Variants in TRIP12 observed in about 807,000 individuals in gnomAD.
TRIP12 encodes the protein E3 ubiquitin-protein ligase TRIP12.
A neutral mutation model predicts 244.2 loss-of-function variants in TRIP12; 25 were observed. The observed-to-expected ratio is 0.10, with a 90% confidence interval of 0.07 to 0.14. The LOEUF (loss-of-function observed/expected upper bound fraction) is 0.14. TRIP12 is among the 10% of genes least tolerant of loss of function. The pLI, the probability that TRIP12 is intolerant of heterozygous loss-of-function variation, is 1.00. For missense variants in TRIP12, 1,677 were observed against 2,486.4 expected, an observed-to-expected ratio of 0.67 and a Z score of 6.92; for synonymous variants, 905 against 873.1, an observed-to-expected ratio of 1.04 and a Z score of -0.64.
intron 7 of TRIP12, 132 bp downstream of exon 7, chr2:229,830,624 T>C (rs543773586): frequency 8.7e-6 from 6 of 691,326 alleles, no homozygotes; most frequent in Non-Finnish European, 1.3e-5. Context: ...TACTAAAAAT[T>C]TTTTTTTCTT....
rs114524062 is a variant in TRIP12, at chr2:229,792,922, T to C, written c.4141+51A>G. 1.2e-3 allele frequency: 1,913 copies of C among 1,545,798 alleles called. 18 individuals are homozygous for C. The African/African-American group carries it at 0.022, about 17-fold the overall frequency. On this transcript the variant is annotated intron_variant, in intron 27 of 41. Transcript: ENST00000675903. ...TAATGTATGTAACTCTTAATGTAAA[T>C]TTCTCCCAAATATACATATATAACA...
At chr2:229,866,768 C>G (rs1336510757) in intron 2 of TRIP12, among the ~76,000 whole-genome samples, 2 of 152,146 alleles carry the variant, frequency 1.3e-5, no homozygotes, top group Non-Finnish European at 2.9e-5. Flanking sequence ...CAGGTACTCT[C>G]CATAGATGTT....
At chr2:229,886,945 A>C (rs2066153364) in intron 1 of TRIP12, among the ~76,000 whole-genome samples, 1 of 152,228 alleles carries the variant, frequency 6.6e-6, no homozygotes, top group South Asian at 2.1e-4. Context: ...CTGGTAGTGC[A>C]AATAACCTTC....
At chr2:229,834,652 T>C (rs1261438448) in intron 6 of TRIP12, among the ~76,000 whole-genome samples, 2 of 151,890 alleles carry the variant, frequency 1.3e-5, no homozygotes, top group Non-Finnish European at 2.9e-5. Context: ...CCCAACTACT[T>C]AGGAGGCTGA....
rs1045308730 is a variant in TRIP12, at chr2:229,922,002, G to A, written c.-172C>T. The A allele has an allele frequency of 6.7e-6, 1 of 149,678 alleles. No homozygotes were observed. The highest frequency in any genetic ancestry group is 2.1e-4 in the South Asian group (1 of 4,836). 9.3% of individuals were successfully genotyped at this position (149,678 alleles called of 1,614,324 possible). A position where few individuals can be genotyped will look rare whatever the true frequency, so the allele number is the denominator to read the frequency against. ...CCGGGTTCCTTCAATTATCAGCTGA[G>A]CCGCAGCACCGCGCCCGGCGTGCGC... On this transcript the variant is annotated 5_prime_UTR_variant, in exon 1 of 42. Coordinates refer to ENST00000675903, the MANE Select transcript of TRIP12 (RefSeq NM_001348323.3).
chr2:229,815,165 G>A lies in TRIP12; in HGVS notation c.1665C>T (p.Tyr555=). The change falls in exon 11 of 42, where the codon TAC becomes TAT. Residue 555 remains tyrosine (Y), a synonymous_variant. Coordinates refer to ENST00000675903, the MANE Select transcript of TRIP12 (RefSeq NM_001348323.3). ...IMNHACRALT[Y]MMEALPRSSA... is the part of the protein sequence containing the mutation. Reference sequence around the variant, plus strand: ...AAGATCGAGGAAGTGCTTCCATCATGTATGTTAAGGCTCGACAAGCATGGT... The same window carrying A: ...AAGATCGAGGAAGTGCTTCCATCATATATGTTAAGGCTCGACAAGCATGGT... 1 of 1,613,084 alleles carries A rather than the reference G, an allele frequency of 6.2e-7. No individual in the cohort carries two copies. Among genetic ancestry groups the A allele is most frequent in the Non-Finnish European group, 8.5e-7 (1 of 1,179,594 alleles).
intron 8 of TRIP12, among the ~76,000 whole-genome samples, chr2:229,821,004 C>T (rs2049901806): frequency 6.6e-6 from 1 of 152,174 alleles, no homozygotes; most frequent in Non-Finnish European, 1.5e-5. Context: ...ACAGTTCAAA[C>T]TCATATTGTT....
rs1465956582 is a variant in TRIP12, at chr2:229,777,346, T to C, written c.5498A>G (p.Gln1833Arg). ...TTTATCTTGTTCAAGTCTTTTCTTC[T>C]GTCTGACAATGTCTTCTAGGTGATA... is the stretch of plus-strand genomic sequence containing the variant. Reference protein sequence around the residue: ...SVYHLEDIVRQKKRLEQDKSQ... With the variant: ...SVYHLEDIVRRKKRLEQDKSQ... Residue 1833 changes from glutamine to arginine, a missense_variant, in exon 37 of 42, where the codon CAG becomes CGG. By Grantham distance (43) the Gln-to-Arg change is conservative (BLOSUM62 1). Transcript: ENST00000675903. The C allele has an allele frequency of 6.2e-7, 1 of 1,613,640 alleles. No homozygotes were observed. The highest frequency in any genetic ancestry group is 1.7e-5 in the Admixed American group (1 of 60,026).
At chr2:229,799,570 A>T (rs1433823167) in intron 21 of TRIP12, among the ~76,000 whole-genome samples, 187 bp from the exon 22 acceptor site, 1 of 152,088 alleles carries the variant, frequency 6.6e-6, no homozygotes, top group East Asian at 1.9e-4. Flanking sequence ...AGGTCAGGAG[A>T]TCAAGACCAT....
chr2:229,827,279 C>CAAAAAAAAAAAAAA lies in TRIP12; in HGVS notation c.1450+1913_1450+1914insTTTTTTTTTTTTTT, dbSNP rs944363768. Among the ~76,000 whole-genome samples the CAAAAAAAAAAAAAA allele has an allele frequency of 4.9e-5, 6 of 122,346 alleles. No homozygotes were observed. The South Asian group carries it at 1.5e-3, about 31-fold the overall frequency. The allele number at this position is 122,346 out of a possible 152,430, so 80.3% of individuals were successfully genotyped here. A position where few individuals can be genotyped will look rare whatever the true frequency, so the allele number is the denominator to read the frequency against. On this transcript the variant is annotated intron_variant, in intron 8 of 41. Coordinates refer to ENST00000675903, the MANE Select transcript of TRIP12 (RefSeq NM_001348323.3). ...TGGGAGACAGAGCAAAACTCCGTCTCAAAAAAAAAAAAGAAAAAGAAAAAA... is the reference window on the plus strand; with the variant it reads ...TGGGAGACAGAGCAAAACTCCGTCTCAAAAAAAAAAAAAAAAAAAAAAAAAAGAAAAAGAAAAAA...
At chr2:229,803,526 G>T (rs771219657) in intron 20 of TRIP12, 45 bp downstream of exon 20, 40 of 1,240,054 alleles carry the variant, frequency 3.2e-5, no homozygotes, top group South Asian at 1.3e-5. Flanking sequence ...TATTTCTGTT[G>T]AAGTACTATC....
intron 33 of TRIP12, among the ~76,000 whole-genome samples, chr2:229,786,875 C>A (rs755882083): frequency 6.6e-6 from 1 of 151,980 alleles, no homozygotes; most frequent in Non-Finnish European, 1.5e-5. Flanking sequence ...AAACTTAAAT[C>A]CCTAGCGGAA....
At position 229,803,428 on chromosome 2, in the gene TRIP12, T is replaced by G. The variant is rs2045005330; in HGVS notation, c.2998+143A>C. 2.7e-5 allele frequency: 15 copies of G among 552,878 alleles called. No individual in the cohort carries two copies. The South Asian group carries it at 4.5e-4, about 16-fold the overall frequency. The allele number at this position is 552,878 out of a possible 1,614,324, so 34.2% of individuals were successfully genotyped here. On this transcript the variant is annotated intron_variant, in intron 20 of 41. Coordinates refer to ENST00000675903, the MANE Select transcript of TRIP12 (RefSeq NM_001348323.3). Reference sequence around the variant, plus strand: ...CACGCCCAGCCTAAAAGACACATTCTACGTACACAGAGCTATAAGCTAACA... The same window carrying G: ...CACGCCCAGCCTAAAAGACACATTCGACGTACACAGAGCTATAAGCTAACA...
chr2:229,801,157 C>T (rs1026907196), intron 21 of TRIP12, among the ~76,000 whole-genome samples: 12 of 152,168 alleles, frequency 7.9e-5, no homozygotes, highest in Admixed American at 6.5e-4. Context: ...ACAAAAGCAA[C>T]TGCAGAATCA....
chr2:229,814,573 T>C (rs2048039371), intron 11 of TRIP12: 2 of 344,828 alleles, frequency 5.8e-6, no homozygotes, highest in Non-Finnish European at 1.0e-5. Context: ...ATTACATAAC[T>C]TTTAAATCTT....
At chr2:229,833,766 AAAAC>A (rs1486225658) in intron 6 of TRIP12, among the ~76,000 whole-genome samples, 1 of 152,198 alleles carries the variant, frequency 6.6e-6, no homozygotes, top group East Asian at 1.9e-4. Context: ...CTAATTTTGT[AAAAC>A]ATATATAAAA....
intron 30 of TRIP12, 58 bp from the exon 31 acceptor site, chr2:229,789,820 C>A: frequency 6.3e-7 from 1 of 1,578,236 alleles, no homozygotes; most frequent in Non-Finnish European, 8.6e-7. Flanking sequence ...TAAGCCAGTG[C>A]AGCCAAGGTC....
intron 32 of TRIP12, among the ~76,000 whole-genome samples, chr2:229,787,864 G>A (rs146827620): frequency 1.3e-5 from 2 of 152,266 alleles, no homozygotes; most frequent in East Asian, 3.9e-4. Context: ...GTGCAGTGGT[G>A]TGATCTAGGC....
chr2:229,797,158 G>T (rs747885591), intron 24 of TRIP12, among the ~76,000 whole-genome samples: 5 of 151,996 alleles, frequency 3.3e-5, no homozygotes, highest in Non-Finnish European at 7.4e-5. Flanking sequence ...ATACATTTAA[G>T]GTCTCAGCAA....
Sources: allele counts gnomAD v4.1 joint callset (sites outside exome capture counted in the v4.1 genomes callset), GRCh38; gene constraint gnomAD v4.1.1; transcripts MANE v1.5; gene names NCBI Gene and HGNC (gene_info 2026-07-23, HGNC 2026-07-21).